Variants in JCHAIN observed in about 807,000 individuals in gnomAD.
JCHAIN encodes the protein immunoglobulin J chain.
A neutral mutation model predicts 11.1 loss-of-function variants in JCHAIN; 5 were observed. The observed-to-expected ratio is 0.45, with a 90% CI of 0.24 to 0.95. JCHAIN has a LOEUF of 0.95. JCHAIN is among the 40% of genes least tolerant of loss of function. The pLI, the probability that JCHAIN is intolerant of heterozygous loss-of-function variation, is 0.21. For missense variants in JCHAIN, 165 were observed against 192.7 expected (o/e 0.86, Z 0.85); for synonymous variants, 51 against 67.8 (o/e 0.75, Z 1.22).
chr4:70,659,171 C>A (rs75201430), intron 2 of JCHAIN, among the ~76,000 whole-genome samples: 3,416 of 152,178 alleles, frequency 0.022, 116 homozygotes, highest in African/African-American at 0.072. Context: ...ATAATTATCC[C>A]TTTTTTTAAA....
intron 1 of JCHAIN, among the ~76,000 whole-genome samples, chr4:70,662,495 AT>A (rs141287866): frequency 2.6e-5 from 4 of 151,726 alleles, no homozygotes; most frequent in Admixed American, 6.6e-5. Context: ...TTGTACTTAA[AT>A]TTTTTTTGTA....
rs138716296 is a variant in JCHAIN at position 70,660,859 on chromosome 4, A to G, written c.188+1233T>C. Among the ~76,000 whole-genome samples the G allele has an allele frequency of 3.4e-3, 517 of 152,338 alleles. 3 individuals are homozygous for G. The highest frequency in any genetic ancestry group is 0.011 in the African/African-American group (441 of 41,586). On this transcript the variant is annotated intron_variant, in intron 2 of 3. Coordinates refer to ENST00000254801, the MANE Select transcript of JCHAIN (RefSeq NM_144646.4). ...GATGGTGACAATAATTGGCACATAGATTAGGTGAATAAATAATAGTAAATA... is the reference window on the plus strand; with the variant it reads ...GATGGTGACAATAATTGGCACATAGGTTAGGTGAATAAATAATAGTAAATA...
In JCHAIN at chr4:70,655,805, T is replaced by C. The variant is rs892898466; in HGVS notation, c.*524A>G. ...TATTTTTGTAACTAGTTCTAGAACA[T>C]GTTTTCCAATTATTATTTTTCTAAT... On this transcript the variant is annotated 3_prime_UTR_variant, in exon 4 of 4. Transcript: ENST00000254801. The C allele has an allele frequency of 8.5e-5, 13 of 152,178 alleles. No homozygotes were observed. Among genetic ancestry groups the C allele is most frequent in the African/African-American group, 2.9e-4 (12 of 41,466 alleles). 9.4% of individuals were successfully genotyped at this position (152,178 alleles called of 1,614,324 possible).
intron 2 of JCHAIN, among the ~76,000 whole-genome samples, chr4:70,658,908 T>C (rs1739003681): frequency 6.6e-6 from 1 of 152,362 alleles, no homozygotes; most frequent in South Asian, 2.1e-4. Context: ...CCTGTTAGAC[T>C]ATAAATTCTT....
chr4:70,664,605 A>AT (rs1402198624), intron 1 of JCHAIN, among the ~76,000 whole-genome samples: 9 of 152,218 alleles, frequency 5.9e-5, no homozygotes, highest in Admixed American at 3.3e-4. Flanking sequence ...TATTGGAAAG[A>AT]AACATTATGG....
At chr4:70,666,160 C>T (rs1161540525) in intron 1 of JCHAIN, among the ~76,000 whole-genome samples, 1 of 152,092 alleles carries the variant, frequency 6.6e-6, no homozygotes, top group Non-Finnish European at 1.5e-5. Context: ...TCAATATGGA[C>T]ATTCATATAA....
intron 1 of JCHAIN, among the ~76,000 whole-genome samples, chr4:70,665,198 G>C (rs944187980): frequency 1.3e-5 from 2 of 152,110 alleles, no homozygotes; most frequent in African/African-American, 4.8e-5. Context: ...GTAGGAGTGC[G>C]GGCTATAGGG....
intron 2 of JCHAIN, among the ~76,000 whole-genome samples, chr4:70,657,848 T>C (rs954504310): frequency 3.3e-5 from 5 of 152,144 alleles, no homozygotes; most frequent in Non-Finnish European, 7.4e-5. Context: ...AAATCATAAA[T>C]AGGAGAGGTT....
At chr4:70,660,271 G>A (rs530678844) in intron 2 of JCHAIN, among the ~76,000 whole-genome samples, 1 of 152,206 alleles carries the variant, frequency 6.6e-6, no homozygotes, top group East Asian at 1.9e-4. Context: ...CATTGAGAAG[G>A]AGTTAACTAG....
Position 70,662,687 on chromosome 4 carries a change from G to A in JCHAIN, c.65-472C>T, listed in dbSNP as rs141785243. Among the ~76,000 whole-genome samples, 1,016 of 152,182 alleles carry A rather than the reference G, an allele frequency of 6.7e-3. 13 individuals carry two copies. Among genetic ancestry groups the A allele is most frequent in the African/African-American group, 0.023 (968 of 41,498 alleles). On this transcript the variant is annotated intron_variant, in intron 1 of 3. Coordinates refer to ENST00000254801, the MANE Select transcript of JCHAIN (RefSeq NM_144646.4). ...TTATAAGAATTATTTTAAGCAGGGCGCAGTGGCTCATGCCTGTAATCCCAG... is the reference window on the plus strand; with the variant it reads ...TTATAAGAATTATTTTAAGCAGGGCACAGTGGCTCATGCCTGTAATCCCAG...
intron 1 of JCHAIN, among the ~76,000 whole-genome samples, chr4:70,662,464 G>T (rs973757292): frequency 3.3e-5 from 5 of 150,742 alleles, no homozygotes; most frequent in African/African-American, 7.5e-5. Context: ...TCTGATTTTC[G>T]CATCCTTCCT....
intron 2 of JCHAIN, among the ~76,000 whole-genome samples, chr4:70,660,329 G>A (rs1272334873): frequency 1.3e-5 from 2 of 151,414 alleles, no homozygotes; most frequent in Non-Finnish European, 2.9e-5. Context: ...ACTAGCAGAT[G>A]TAAAAGCACT....
intron 2 of JCHAIN, among the ~76,000 whole-genome samples, chr4:70,661,811 A>G (rs1481977540): frequency 6.6e-6 from 1 of 152,112 alleles, no homozygotes; most frequent in Non-Finnish European, 1.5e-5. Flanking sequence ...ATGAATAGAA[A>G]TAACTCCATA....
intron 1 of JCHAIN, among the ~76,000 whole-genome samples, chr4:70,665,615 T>G (rs1049753365): frequency 2.6e-5 from 4 of 152,150 alleles, no homozygotes; most frequent in Non-Finnish European, 5.9e-5. Flanking sequence ...CCCCATTATA[T>G]ATATCATATA....
intron 2 of JCHAIN, 36 bp from the exon 3 acceptor site, chr4:70,657,327 G>GCATTTCATTGTTTT: frequency 1.6e-6 from 2 of 1,269,126 alleles, no homozygotes; most frequent in Non-Finnish European, 2.3e-6. Flanking sequence ...TTAAAACAAT[G>GCATTTCATTGTTTT]AAATGCAGAT....
rs6831615 is a variant in JCHAIN at position 70,657,364 on chromosome 4, G to T, written c.189-73C>A. 11,385 of 879,182 alleles carry T rather than the reference G, an allele frequency of 0.013. 641 individuals are homozygous for T. In the African/African-American group the frequency reaches 0.14, roughly 11 times the overall value. The allele number at this position is 879,182 out of a possible 1,614,324, so 54.5% of individuals were successfully genotyped here. A position where few individuals can be genotyped will look rare whatever the true frequency, so the allele number is the denominator to read the frequency against. ...TTGTTATTTTTGGTAATGAGTATAC[G>T]GCCACTATTTCATCAGAACAGTACT... On this transcript the variant is annotated intron_variant, in intron 2 of 3. Transcript: ENST00000254801.
chr4:70,655,815 T>C lies in JCHAIN; in HGVS notation c.*514A>G, dbSNP rs967628125. ...ACTAGTTCTAGAACATGTTTTCCAATTATTATTTTTCTAATGGAGACATAT... is the reference window on the plus strand; with the variant it reads ...ACTAGTTCTAGAACATGTTTTCCAACTATTATTTTTCTAATGGAGACATAT... On this transcript the variant is annotated 3_prime_UTR_variant, in exon 4 of 4. Transcript: ENST00000254801. The C allele has an allele frequency of 1.3e-5, 2 of 152,128 alleles. No homozygotes were observed. The highest frequency in any genetic ancestry group is 4.8e-5 in the African/African-American group (2 of 41,444). The allele number at this position is 152,128 out of a possible 1,614,324, so 9.4% of individuals were successfully genotyped here.
At position 70,655,638 on chromosome 4, in the gene JCHAIN, T is replaced by C. The variant is rs965024037; in HGVS notation, c.*691A>G. ...AGGTTCAGTTACAAAATGGATTGTT[T>C]CAAATGGCAATTTCTTACACTAACC... is the stretch of plus-strand genomic sequence containing the variant. On this transcript the variant is annotated 3_prime_UTR_variant, in exon 4 of 4. Transcript: ENST00000254801. The C allele has an allele frequency of 6.6e-6, 1 of 152,192 alleles. No homozygotes were observed. Among genetic ancestry groups the C allele is most frequent in the Non-Finnish European group, 1.5e-5 (1 of 68,034 alleles). 9.4% of individuals were successfully genotyped at this position (152,192 alleles called of 1,614,324 possible).
chr4:70,659,549 C>CAG (rs1739015277), intron 2 of JCHAIN, among the ~76,000 whole-genome samples: 1 of 16,552 alleles, frequency 6.0e-5, no homozygotes, highest in Non-Finnish European at 9.5e-5. Context: ...GACTCTGTCT[C>CAG]AAAAAAAAAA....
Sources: gnomAD v4.1 joint callset for allele counts (sites outside exome capture counted in the v4.1 genomes callset) on GRCh38, gnomAD v4.1.1 for gene constraint, MANE v1.5 for transcripts, NCBI Gene and HGNC (gene_info 2026-07-23, HGNC 2026-07-21) for gene names.